NUDT13: variants seen among roughly 807,000 people sequenced by gnomAD.
NUDT13 encodes NAD(P)H pyrophosphatase NUDT13, mitochondrial.
NUDT13 carries 40 observed loss-of-function variants against 41.7 expected under a neutral mutation model. The ratio of observed to expected loss-of-function variants is 0.96; its 90% confidence interval spans 0.75 to 1.25. The LOEUF is 1.25. NUDT13 is among the 50% of genes most tolerant of loss of function. The probability of loss-of-function intolerance (pLI) is 0.00; values close to 1 mark genes in which losing one functional copy is unlikely to be tolerated. For synonymous variants in NUDT13, 145 were observed against 155.5 expected (o/e 0.93, Z 0.50); for missense variants, 390 against 416.1 (o/e 0.94, Z 0.55).
chr10:73,125,057 C>G (rs759384780), intron 5 of NUDT13, 61 bp from the exon 6 acceptor site: 5 of 1,537,264 alleles, frequency 3.3e-6, no homozygotes, highest in South Asian at 1.2e-5. Context: ...AGGCCCAGTG[C>G]TGTTAAAGAT....
intron 5 of NUDT13, 130 bp from the exon 6 acceptor site, chr10:73,124,988 A>C (rs1254926810): frequency 1.9e-6 from 2 of 1,038,176 alleles, no homozygotes; most frequent in South Asian, 4.4e-5. Context: ...AACAGTAACC[A>C]TTTAAATTAC....
chr10:73,123,427 GA>G (rs924676357), intron 4 of NUDT13, among the ~76,000 whole-genome samples: 4 of 152,004 alleles, frequency 2.6e-5, no homozygotes, highest in African/African-American at 9.7e-5. Flanking sequence ...GTTCACATAG[GA>G]GCCATGAGGT....
At chr10:73,125,298 C>G in intron 6 of NUDT13, 55 bp downstream of exon 6, 1 of 1,603,416 alleles carries the variant, frequency 6.2e-7, no homozygotes, top group Non-Finnish European at 8.5e-7. Context: ...CTGCTTTGTC[C>G]TGGGGAAGGA....
intron 7 of NUDT13, chr10:73,126,213 T>G (rs990763359): frequency 7.3e-5 from 17 of 231,360 alleles, no homozygotes; most frequent in Non-Finnish European, 1.2e-4. Flanking sequence ...ACCCCTAGAT[T>G]CCATGAATTT....
At chr10:73,119,939 C>A in intron 2 of NUDT13, 79 bp from the exon 3 acceptor site, 1 of 1,377,642 alleles carries the variant, frequency 7.3e-7, no homozygotes, top group Non-Finnish European at 1.0e-6. Flanking sequence ...AGGGATGCAG[C>A]GACAGCATTC....
In NUDT13 at chr10:73,114,450, T is replaced by C. The variant is rs1394560207; in HGVS notation, c.83+2T>C. ...GTCAACCTATGTTACTAAGACACGGTGAGTTTTAGCCAACCTGAGCTTTGA... is the reference window on the plus strand; with the variant it reads ...GTCAACCTATGTTACTAAGACACGGCGAGTTTTAGCCAACCTGAGCTTTGA... On this transcript the variant is annotated splice_donor_variant, in intron 2 of 8. Transcript: ENST00000357321. LOFTEE classifies it high-confidence loss of function. The C allele has an allele frequency of 2.6e-6, 4 of 1,559,254 alleles. No individual in the cohort carries two copies. The highest frequency in any genetic ancestry group is 1.7e-4 in the Middle Eastern group (1 of 5,852).
chr10:73,126,749 T>G lies in NUDT13; in HGVS notation c.780T>G (p.Tyr260Ter), dbSNP rs1037442100. The change falls in exon 8 of 9, where the codon TAT becomes TAG. Residue 260 changes from tyrosine to a stop codon, truncating the protein, a stop_gained. Coordinates refer to ENST00000357321, the MANE Select transcript of NUDT13 (RefSeq NM_015901.6). LOFTEE classifies it high-confidence loss of function. ...VGLEVESLQY[Y>*]ASQHWPFPSG... ...TGGAGGTGGAAAGCCTGCAGTACTA[T>G]GCATCCCAGCATTGGCCCTTCCCTA... 1.2e-5 allele frequency: 19 copies of G among 1,614,050 alleles called. No individual in the cohort carries two copies. Among genetic ancestry groups the G allele is most frequent in the Admixed American group, 1.7e-5 (1 of 60,002 alleles).
At chr10:73,123,244 TATAAC>T (rs886869482) in intron 4 of NUDT13, among the ~76,000 whole-genome samples, 2 of 152,204 alleles carry the variant, frequency 1.3e-5, no homozygotes, top group Non-Finnish European at 1.5e-5. Flanking sequence ...TTAAAAAACT[TATAAC>T]ATCATTCTAA....
chr10:73,114,286 C>G (rs1300932975), intron 1 of NUDT13, 71 bp from the exon 2 acceptor site: 1 of 672,358 alleles, frequency 1.5e-6, no homozygotes, highest in Admixed American at 2.4e-5. Flanking sequence ...AAAGTATAAC[C>G]CTCTTGGCAA....
intron 1 of NUDT13, among the ~76,000 whole-genome samples, chr10:73,112,363 TAGAA>T (rs1255402499): frequency 1.3e-5 from 2 of 151,694 alleles, no homozygotes; most frequent in Non-Finnish European, 2.9e-5. Context: ...CAAAAAAAAA[TAGAA>T]AGAAAAATAT....
chr10:73,122,374 G>T, intron 4 of NUDT13, 65 bp downstream of exon 4: 2 of 1,456,628 alleles, frequency 1.4e-6, no homozygotes, highest in South Asian at 1.4e-5. Context: ...TTCACATAAT[G>T]GTAAAATTTA....
intron 3 of NUDT13, among the ~76,000 whole-genome samples, chr10:73,121,669 C>A (rs529113424): frequency 1.3e-5 from 2 of 152,210 alleles, no homozygotes; most frequent in Non-Finnish European, 2.9e-5. Context: ...AGAGATCCTC[C>A]CATCTCTGCC....
At chr10:73,130,670 ACCTTACAT>A (rs1842898245) in intron 8 of NUDT13, 25 bp from the exon 9 acceptor site, 2 of 1,581,358 alleles carry the variant, frequency 1.3e-6, no homozygotes, top group East Asian at 4.5e-5. Context: ...GTAGCTCCTG[ACCTTACAT>A]CCTTTTCTTC....
intron 8 of NUDT13, among the ~76,000 whole-genome samples, chr10:73,129,333 C>T (rs560556460): frequency 3.3e-5 from 5 of 151,856 alleles, no homozygotes; most frequent in African/African-American, 4.8e-5. Context: ...CCAGCATGCC[C>T]GGCTAATTTT....
intron 1 of NUDT13, among the ~76,000 whole-genome samples, chr10:73,112,341 G>A (rs1267049091): frequency 4.0e-5 from 6 of 151,410 alleles, no homozygotes; most frequent in Admixed American, 2.6e-4. Flanking sequence ...CAACAAGAGC[G>A]AAACTCCGTC....
chr10:73,124,373 G>A (rs1034302425), intron 5 of NUDT13, 53 bp downstream of exon 5: 5 of 1,194,260 alleles, frequency 4.2e-6, no homozygotes, highest in South Asian at 1.2e-5. Context: ...GTAAGTGTGG[G>A]CAAATCCATG....
At chr10:73,123,535 C>A (rs529248765) in intron 4 of NUDT13, among the ~76,000 whole-genome samples, 1 of 152,214 alleles carries the variant, frequency 6.6e-6, no homozygotes, top group African/African-American at 2.4e-5. Context: ...CCCAAACTGG[C>A]CTGAATGTAA....
chr10:73,126,972 G>A (rs1194953543), intron 8 of NUDT13, 145 bp downstream of exon 8: 7 of 729,854 alleles, frequency 9.6e-6, no homozygotes, highest in African/African-American at 5.3e-5. Flanking sequence ...GGCTGAGCAC[G>A]GTGGCTCATG....
In NUDT13 at chr10:73,114,425, G is replaced by A. The variant is rs2133201725; in HGVS notation, c.60G>A (p.Leu20=). 1.3e-6 allele frequency: 2 copies of A among 1,587,930 alleles called. No homozygotes were observed. Among genetic ancestry groups the A allele is most frequent in the Non-Finnish European group, 8.6e-7 (1 of 1,164,004 alleles). Residue 20 remains leucine (L), a synonymous_variant, in exon 2 of 9, where the codon CTG becomes CTA. Transcript: ENST00000357321. ...RRKFFWCYRL[L]STYVTKTRYL... is the part of the protein sequence containing the mutation. The stretch of plus-strand genomic sequence containing the variant: ...AATTTTTTTGGTGCTATAGGCTGCT[G>A]TCAACCTATGTTACTAAGACACGGT...
Sources: allele counts gnomAD v4.1 joint callset (sites outside exome capture counted in the v4.1 genomes callset), GRCh38; gene constraint gnomAD v4.1.1; transcripts MANE v1.5; gene names NCBI Gene and HGNC (gene_info 2026-07-23, HGNC 2026-07-21).